SS18L1: variants seen among roughly 807,000 people sequenced by gnomAD.
SS18L1 encodes SS18L1 subunit of BAF chromatin remodeling complex.
In SS18L1, 32 loss-of-function variants were observed where a neutral mutation model predicts 70.3. The observed-to-expected ratio is 0.46, with a 90% CI of 0.34 to 0.61. SS18L1 has a LOEUF of 0.61. Ranked by LOEUF, SS18L1 falls within the 20% of genes least tolerant of loss-of-function variation. The probability of loss-of-function intolerance (pLI) is 0.01; values close to 1 mark genes in which losing one functional copy is unlikely to be tolerated. For missense variants in SS18L1, 430 were observed against 542.1 expected, an observed-to-expected ratio of 0.79 and a Z score of 2.05; for synonymous variants, 237 against 229.7, an observed-to-expected ratio of 1.03 and a Z score of -0.29.
chr20:62,144,031 C>G lies in SS18L1; in HGVS notation c.69+142C>G, dbSNP rs890656816. On this transcript the variant is annotated intron_variant, in intron 1 of 10. Coordinates refer to ENST00000331758, the MANE Select transcript of SS18L1 (RefSeq NM_198935.3). The stretch of plus-strand genomic sequence containing the variant: ...CGGCCGCGAGCCCCGACGGCGGCCC[C>G]GTGCCCTTCCCCGCGTCCCACGCCT... 5.4e-3 allele frequency: 2,086 copies of G among 388,696 alleles called. 54 individuals are homozygous for G. The highest frequency in any genetic ancestry group is 0.043 in the African/African-American group (1,973 of 45,370). 24.1% of individuals were successfully genotyped at this position (388,696 alleles called of 1,614,324 possible).
intron 8 of SS18L1, among the ~76,000 whole-genome samples, chr20:62,170,931 T>G (rs1411882281): frequency 1.3e-5 from 2 of 151,758 alleles, no homozygotes; most frequent in Non-Finnish European, 2.9e-5. Context: ...AGATGGAGTC[T>G]CACTCTATCG....
Position 62,181,899 on chromosome 20 carries a change from G to A in SS18L1, c.*2691G>A, listed in dbSNP as rs2057716177. Reference sequence around the variant, plus strand: ...AGAAGCAAAGGAAGACATGAAAATTGACGCTCATTCTTCTTCCTATTGTTC... The same window carrying A: ...AGAAGCAAAGGAAGACATGAAAATTAACGCTCATTCTTCTTCCTATTGTTC... On this transcript the variant is annotated 3_prime_UTR_variant, in exon 11 of 11. Coordinates refer to ENST00000331758, the MANE Select transcript of SS18L1 (RefSeq NM_198935.3). 4.4e-6 allele frequency: 1 copy of A among 228,262 alleles called. No individual in the cohort carries two copies. Among genetic ancestry groups the A allele is most frequent in the Non-Finnish European group, 8.7e-6 (1 of 115,134 alleles). The allele number at this position is 228,262 out of a possible 1,614,324, so 14.1% of individuals were successfully genotyped here. A position where few individuals can be genotyped will look rare whatever the true frequency, so the allele number is the denominator to read the frequency against.
intron 7 of SS18L1, 108 bp downstream of exon 7, chr20:62,164,354 C>A: frequency 8.7e-7 from 1 of 1,144,282 alleles, no homozygotes; most frequent in South Asian, 1.6e-5. Flanking sequence ...TGTCCTCAGT[C>A]ATTCCAGCTC....
At position 62,174,880 on chromosome 20, in the gene SS18L1, C is replaced by A; in HGVS notation, c.1164+236C>A. ...CTAAGCTCACCGTTAGATCTGCACG[C>A]CTGGTTCTCACATTCATTCACTCTG... On this transcript the variant is annotated intron_variant, in intron 10 of 10. Transcript: ENST00000331758. The surrounding 1 kb of genome is among the most constrained non-coding windows in gnomAD (Gnocchi z 4.1). The A allele has an allele frequency of 1.4e-6, 2 of 1,414,932 alleles. No homozygotes were observed. Among genetic ancestry groups the A allele is most frequent in the Admixed American group, 5.0e-5 (2 of 39,914 alleles). 87.6% of individuals were successfully genotyped at this position (1,414,932 alleles called of 1,614,324 possible).
At chr20:62,179,046 G>A (rs74447889) in intron 10 of SS18L1, 136 bp from the exon 11 acceptor site, 17,727 of 895,000 alleles carry the variant, frequency 0.02, 242 homozygotes, top group Non-Finnish European at 0.026. Flanking sequence ...AAAGTCGTTC[G>A]CTGCCCCGCA....
chr20:62,175,454 A>C (rs553037974), intron 10 of SS18L1: 1,113 of 985,282 alleles, frequency 1.1e-3, no homozygotes, highest in Non-Finnish European at 1.3e-3. Context: ...GCAAGGGAAG[A>C]GGGCGTGCCA....
chr20:62,182,193 G>T lies in SS18L1; in HGVS notation c.*2985G>T, dbSNP rs895830513. ...AAAGAAACCTTAATACGCTCATATGGTTGGAGTGTTAAGTGAACCTCTGAT... is the reference window on the plus strand; with the variant it reads ...AAAGAAACCTTAATACGCTCATATGTTTGGAGTGTTAAGTGAACCTCTGAT... On this transcript the variant is annotated 3_prime_UTR_variant, in exon 11 of 11. Coordinates refer to ENST00000331758, the MANE Select transcript of SS18L1 (RefSeq NM_198935.3). 3.2e-5 allele frequency: 7 copies of T among 221,742 alleles called. No individual in the cohort carries two copies. Among genetic ancestry groups the T allele is most frequent in the Admixed American group, 5.8e-5 (1 of 17,364 alleles). 13.7% of individuals were successfully genotyped at this position (221,742 alleles called of 1,614,324 possible).
chr20:62,162,957 G>C (rs572533094), intron 5 of SS18L1, 26 bp downstream of exon 5: 1 of 1,606,116 alleles, frequency 6.2e-7, no homozygotes, highest in Non-Finnish European at 8.5e-7. Flanking sequence ...CTGCAACCCC[G>C]GGGGGCCTGG....
At chr20:62,166,363 T>G (rs2057431802) in intron 8 of SS18L1, among the ~76,000 whole-genome samples, 1 of 152,214 alleles carries the variant, frequency 6.6e-6, no homozygotes, top group South Asian at 2.1e-4. Context: ...ACAGTGTTGG[T>G]GAGGCTTCAC....
At position 62,159,488 on chromosome 20, in the gene SS18L1, G is replaced by A. The variant is rs2057285699; in HGVS notation, c.147-389G>A. Among the ~76,000 whole-genome samples, 1 of 152,232 alleles carries A rather than the reference G, an allele frequency of 6.6e-6. No homozygotes were observed. Among genetic ancestry groups the A allele is most frequent in the East Asian group, 1.9e-4 (1 of 5,182 alleles). ...TTCTCAGGGTCGTTGGCTCTATGGA[G>A]TCCGCCCACTGCCTGGCTCAGCTGG... On this transcript the variant is annotated intron_variant, in intron 2 of 10. Coordinates refer to ENST00000331758, the MANE Select transcript of SS18L1 (RefSeq NM_198935.3). This position sits in a 1 kb window ranked among gnomAD's most constrained non-coding sequence, Gnocchi z 4.4.
intron 8 of SS18L1, among the ~76,000 whole-genome samples, chr20:62,170,959 T>C (rs1416512865): frequency 1.3e-5 from 2 of 151,746 alleles, no homozygotes; most frequent in East Asian, 1.9e-4. Flanking sequence ...TGGAGTGCAG[T>C]GATGCGATCT....
At chr20:62,170,136 CTT>C (rs2057504277) in intron 8 of SS18L1, among the ~76,000 whole-genome samples, 1 of 152,258 alleles carries the variant, frequency 6.6e-6, no homozygotes, top group Non-Finnish European at 1.5e-5. Flanking sequence ...GCCGTGGCCT[CTT>C]GTTTCACACA....
rs55818729 is a variant in SS18L1, at chr20:62,159,697, A to T, written c.147-180A>T. On this transcript the variant is annotated intron_variant, in intron 2 of 10. Coordinates refer to ENST00000331758, the MANE Select transcript of SS18L1 (RefSeq NM_198935.3). This position sits in a 1 kb window ranked among gnomAD's most constrained non-coding sequence, Gnocchi z 4.4. Reference sequence around the variant, plus strand: ...GGGTAGAGGCTGCCCTCCCGTCCCCACCGAGACCCCAGCACCCTGCCACCT... The same window carrying T: ...GGGTAGAGGCTGCCCTCCCGTCCCCTCCGAGACCCCAGCACCCTGCCACCT... Among the ~76,000 whole-genome samples, 1 of 151,830 alleles carries T rather than the reference A, an allele frequency of 6.6e-6. No individual in the cohort carries two copies. The highest frequency in any genetic ancestry group is 2.4e-5 in the African/African-American group (1 of 41,318).
In SS18L1 at chr20:62,164,268, A is replaced by C. The variant is rs1352208492; in HGVS notation, c.823+22A>C. 3 of 1,540,088 alleles carry C rather than the reference A, an allele frequency of 1.9e-6. No homozygotes were observed. In the African/African-American group the frequency reaches 4.1e-5, roughly 21 times the overall value. ...GACGGTGAGCACTGGCGGCGGCCTG[A>C]CCCCGCCCAGGAACGCAGAGCAGCT... On this transcript the variant is annotated intron_variant, in intron 7 of 10. Coordinates refer to ENST00000331758, the MANE Select transcript of SS18L1 (RefSeq NM_198935.3).
intron 8 of SS18L1, among the ~76,000 whole-genome samples, chr20:62,168,492 A>G (rs903562628): frequency 1.3e-5 from 2 of 151,940 alleles, no homozygotes; most frequent in African/African-American, 4.8e-5. Context: ...ACCATAAAGA[A>G]CTTTCCAGGC....
chr20:62,169,612 C>T lies in SS18L1; in HGVS notation c.917-3070C>T, dbSNP rs151291944. On this transcript the variant is annotated intron_variant, in intron 8 of 10. Coordinates refer to ENST00000331758, the MANE Select transcript of SS18L1 (RefSeq NM_198935.3). ...TGGCCACCATGGTGAAACCCCATCT[C>T]GACCAAAAATACAAAAACTAGCTGG... 7.2e-5 allele frequency among the ~76,000 whole-genome samples: 11 copies of T among 152,158 alleles called. No individual in the cohort carries two copies. In the East Asian group the frequency reaches 1.7e-3, roughly 24 times the overall value.
rs1176551667 is a variant in SS18L1, at chr20:62,179,543, A to C, written c.*335A>C. ...ATCAGAGCATTCTGTGCCCAGGGACAGGACAGATCTCGAGGACACCACAGT... is the reference window on the plus strand; with the variant it reads ...ATCAGAGCATTCTGTGCCCAGGGACCGGACAGATCTCGAGGACACCACAGT... On this transcript the variant is annotated 3_prime_UTR_variant, in exon 11 of 11. Transcript: ENST00000331758. 2.4e-6 allele frequency: 1 copy of C among 416,600 alleles called. No individual in the cohort carries two copies. Among genetic ancestry groups the C allele is most frequent in the Non-Finnish European group, 4.4e-6 (1 of 226,276 alleles). The allele number at this position is 416,600 out of a possible 1,614,324, so 25.8% of individuals were successfully genotyped here.
At chr20:62,170,272 G>A (rs6121938) in intron 8 of SS18L1, among the ~76,000 whole-genome samples, 1 of 152,152 alleles carries the variant, frequency 6.6e-6, no homozygotes, top group African/African-American at 2.4e-5. Context: ...TTGGGAGGCC[G>A]GGGCAGGCGG....
At chr20:62,160,097 A>T in intron 3 of SS18L1, 136 bp downstream of exon 3, 1 of 889,328 alleles carries the variant, frequency 1.1e-6, no homozygotes, top group East Asian at 2.7e-5. Flanking sequence ...AGCCACCAGA[A>T]ATGGGAGTGT....
Sources: gnomAD v4.1 joint callset for allele counts (sites outside exome capture counted in the v4.1 genomes callset) on GRCh38, gnomAD v4.1.1 for gene constraint, Gnocchi (gnomAD v3.1) non-coding constraint, MANE v1.5 for transcripts, NCBI Gene and HGNC (gene_info 2026-07-23, HGNC 2026-07-21) for gene names.